Variants in SLC39A10 observed in about 807,000 individuals in gnomAD.
SLC39A10 encodes the protein zinc transporter ZIP10.
Under a neutral mutation model 65.1 loss-of-function variants are expected in SLC39A10, and 13 were observed. That is an observed-to-expected ratio of 0.20 (90% CI 0.13 to 0.32). The LOEUF (loss-of-function observed/expected upper bound fraction) is 0.32, where lower values mean the gene tolerates loss of function less well. SLC39A10 is among the 10% of genes least tolerant of loss of function. SLC39A10 has a pLI of 1.00. For missense variants in SLC39A10, 831 were observed against 1,018.4 expected (o/e 0.82, Z 2.50); for synonymous variants, 321 against 342.2 (o/e 0.94, Z 0.68).
At chr2:195,697,969 T>G (rs181137808) in intron 3 of SLC39A10, among the ~76,000 whole-genome samples, 243 of 152,276 alleles carry the variant, frequency 1.6e-3, no homozygotes, top group Non-Finnish European at 3.2e-3. Context: ...TTCTTTTTGA[T>G]GCTATTGTAA....
intron 2 of SLC39A10, among the ~76,000 whole-genome samples, chr2:195,625,488 G>C (rs956042096): frequency 3.3e-5 from 5 of 151,826 alleles, no homozygotes; most frequent in Non-Finnish European, 7.4e-5. Context: ...TATTGGTCAG[G>C]CTGATCTCGA....
chr2:195,613,652 A>G (rs1026626948), intron 2 of SLC39A10, among the ~76,000 whole-genome samples: 10 of 152,250 alleles, frequency 6.6e-5, no homozygotes, highest in Admixed American at 5.2e-4. Flanking sequence ...GTGGAAGTTC[A>G]ACAGATTAAA....
rs1203278655 is a variant in SLC39A10, at chr2:195,680,453, A to G, written c.411A>G (p.Ser137=). ...NHQHSHNHLN[S]ENQTVTSVST... is the part of the protein sequence containing the mutation. ...AGCATTCCCATAATCATTTAAATTC[A>G]GAAAATCAAACTGTGACCAGTGTAT... Residue 137 remains serine (S), a synonymous_variant, in exon 2 of 10, where the codon TCA becomes TCG. Coordinates refer to ENST00000359634, the MANE Select transcript of SLC39A10 (RefSeq NM_020342.3). The G allele has an allele frequency of 6.2e-7, 1 of 1,614,086 alleles. No individual in the cohort carries two copies. The highest frequency in any genetic ancestry group is 1.7e-5 in the Admixed American group (1 of 60,004).
At chr2:195,629,262 C>T (rs1423930528) in intron 2 of SLC39A10, among the ~76,000 whole-genome samples, 2 of 151,854 alleles carry the variant, frequency 1.3e-5, no homozygotes, top group Admixed American at 6.6e-5. Context: ...GATGTGGTGG[C>T]GGGTGCCTGT....
chr2:195,635,615 T>C (rs955646203), intron 2 of SLC39A10, among the ~76,000 whole-genome samples: 1 of 152,084 alleles, frequency 6.6e-6, no homozygotes, highest in Non-Finnish European at 1.5e-5. Context: ...TCCTGGCACA[T>C]GCTAAAGTGC....
chr2:195,620,994 C>G (rs1559004629), intron 2 of SLC39A10, among the ~76,000 whole-genome samples: 1 of 152,152 alleles, frequency 6.6e-6, no homozygotes, highest in Non-Finnish European at 1.5e-5. Context: ...GACAGAGAAT[C>G]CTTGCTCCAA....
At chr2:195,695,331 G>A (rs1690908846) in intron 3 of SLC39A10, among the ~76,000 whole-genome samples, 1 of 152,192 alleles carries the variant, frequency 6.6e-6, no homozygotes, top group Non-Finnish European at 1.5e-5. Flanking sequence ...TTGTTCCCAG[G>A]GGGATTATGG....
In SLC39A10 at chr2:195,714,226, C is replaced by T. The variant is rs1332119320; in HGVS notation, c.1696+673C>T. The stretch of plus-strand genomic sequence containing the variant: ...GATTACAGGAGTGAGCCACCGCGCC[C>T]GGCCGACAAATACTTTTATGATAGT... On this transcript the variant is annotated intron_variant, in intron 6 of 9. Coordinates refer to ENST00000359634, the MANE Select transcript of SLC39A10 (RefSeq NM_020342.3). 4.6e-5 allele frequency among the ~76,000 whole-genome samples: 7 copies of T among 152,230 alleles called. 1 individual carries two copies. Among genetic ancestry groups the T allele is most frequent in the East Asian group, 1.9e-4 (1 of 5,172 alleles).
intron 2 of SLC39A10, among the ~76,000 whole-genome samples, chr2:195,616,479 G>A (rs1688211631): frequency 6.7e-6 from 1 of 148,244 alleles, no homozygotes; most frequent in Non-Finnish European, 1.5e-5. Context: ...GCTAACTTTT[G>A]TATTTTTAGT....
rs992789246 is a variant in SLC39A10 at position 195,727,730 on chromosome 2, C to CT, written c.2147-422dup. Among the ~76,000 whole-genome samples, 57 of 151,958 alleles carry CT rather than the reference C, an allele frequency of 3.8e-4. 2 individuals are homozygous for CT. The highest frequency in any genetic ancestry group is 4.8e-5 in the African/African-American group (2 of 41,366). Reference sequence around the variant, plus strand: ...CATTTAAGTTGTACAGTAGAATTGACTTTTTTTGTGAGTACAGTTCTTTGA... The same window carrying CT: ...CATTTAAGTTGTACAGTAGAATTGACTTTTTTTTGTGAGTACAGTTCTTTGA... On this transcript the variant is annotated intron_variant, in intron 8 of 9. Transcript: ENST00000359634.
At chr2:195,699,134 G>A (rs1405677319) in intron 3 of SLC39A10, among the ~76,000 whole-genome samples, 1 of 151,740 alleles carries the variant, frequency 6.6e-6, no homozygotes, top group Non-Finnish European at 1.5e-5. Flanking sequence ...TTTGTAATCA[G>A]TAGTAACATC....
intron 2 of SLC39A10, among the ~76,000 whole-genome samples, chr2:195,632,300 T>TC (rs1014109459): frequency 1.6e-5 from 2 of 124,050 alleles, no homozygotes; most frequent in African/African-American, 6.2e-5. Context: ...CTTTTTTTTT[T>TC]TTTTTTTTTT....
At chr2:195,668,401 A>G (rs1202071343) in intron 1 of SLC39A10, among the ~76,000 whole-genome samples, 5 of 152,348 alleles carry the variant, frequency 3.3e-5, no homozygotes, top group Non-Finnish European at 5.9e-5. Flanking sequence ...AACATGGTAT[A>G]TTATCCAGGA....
chr2:195,664,905 G>A (rs574260077), intron 1 of SLC39A10, among the ~76,000 whole-genome samples: 1 of 152,276 alleles, frequency 6.6e-6, no homozygotes, highest in South Asian at 2.1e-4. Flanking sequence ...CAAACAGGCT[G>A]GGTGCAGTGG....
At chr2:195,693,047 T>A (rs1336122078) in intron 3 of SLC39A10, among the ~76,000 whole-genome samples, 1 of 152,208 alleles carries the variant, frequency 6.6e-6, no homozygotes, top group East Asian at 1.9e-4. Context: ...AATGCTGGAT[T>A]TTGTCAAATG....
Position 195,680,695 on chromosome 2 carries a change from A to G in SLC39A10, c.653A>G (p.Asn218Ser), listed in dbSNP as rs763504847. ...EPSNEPSTET[N>S]KTQEQSDVKL... ...AGCAATGAACCTTCAACAGAGACCAATAAAACCCAGGAACAATCTGATGTT... is the reference window on the plus strand; with the variant it reads ...AGCAATGAACCTTCAACAGAGACCAGTAAAACCCAGGAACAATCTGATGTT... Residue 218 changes from asparagine (N) to serine (S), a missense_variant, in exon 2 of 10, where the codon AAT becomes AGT. By Grantham distance (46) the Asn-to-Ser change is conservative. This residue lies in a region of SLC39A10 where 446 missense variants were observed against 499.2 expected (regional missense o/e 0.89). Coordinates refer to ENST00000359634, the MANE Select transcript of SLC39A10 (RefSeq NM_020342.3). 5.0e-6 allele frequency: 8 copies of G among 1,614,000 alleles called. No individual in the cohort carries two copies. Among genetic ancestry groups the G allele is most frequent in the African/African-American group, 2.7e-5 (2 of 74,892 alleles).
At chr2:195,624,407 A>AG (rs1318491636) in intron 2 of SLC39A10, among the ~76,000 whole-genome samples, 18 of 150,872 alleles carry the variant, frequency 1.2e-4, no homozygotes, top group African/African-American at 4.4e-4. Flanking sequence ...AAAAAAAAAA[A>AG]AAAAGGAAGA....
chr2:195,730,944 G>A (rs376229662), intron 9 of SLC39A10, among the ~76,000 whole-genome samples: 20 of 152,110 alleles, frequency 1.3e-4, no homozygotes, highest in African/African-American at 2.9e-4. Context: ...GGCCTCTTTC[G>A]CCTAACCACC....
intron 9 of SLC39A10, among the ~76,000 whole-genome samples, chr2:195,732,624 G>A (rs530429531): frequency 6.6e-6 from 1 of 152,290 alleles, no homozygotes; most frequent in African/African-American, 2.4e-5. Flanking sequence ...TTTAAGGAAA[G>A]TCATAATGAA....
Sources: allele counts gnomAD v4.1 joint callset (sites outside exome capture counted in the v4.1 genomes callset), GRCh38; gene constraint gnomAD v4.1.1; regional missense constraint gnomAD v4.1.1; transcripts MANE v1.5; gene names NCBI Gene and HGNC (gene_info 2026-07-23, HGNC 2026-07-21).